The following ACCSL variants were observed in gnomAD, a reference collection of about 807,000 sequenced individuals.
The protein encoded by ACCSL is probable inactive 1-aminocyclopropane-1-carboxylate synthase-like protein 2.
In ACCSL, 55 loss-of-function variants were observed where a neutral mutation model predicts 61.7. The observed-to-expected ratio is 0.89, with a 90% CI of 0.72 to 1.12. The LOEUF (loss-of-function observed/expected upper bound fraction) is 1.12. ACCSL is among the 50% of genes most tolerant of loss of function. The pLI is 0.00. For synonymous variants in ACCSL, 258 were observed against 264.3 expected (o/e 0.98, Z 0.23); for missense variants, 632 against 698.0 (o/e 0.91, Z 1.07).
At chr11:44,054,830 G>T (rs536713806) in intron 8 of ACCSL, among the ~76,000 whole-genome samples, 1 of 152,276 alleles carries the variant, frequency 6.6e-6, no homozygotes, top group African/African-American at 2.4e-5. Flanking sequence ...CACATAAGCA[G>T]TTAGGAGCTC....
At chr11:44,059,474 G>T (rs548024540) in intron 13 of ACCSL, among the ~76,000 whole-genome samples, 1 of 152,288 alleles carries the variant, frequency 6.6e-6, no homozygotes, top group African/African-American at 2.4e-5. Flanking sequence ...ATATAGCAGT[G>T]AATTGTTCAT....
chr11:44,007,969 G>A, the ACCSL span, among the ~76,000 whole-genome samples: 1 of 152,114 alleles, frequency 6.6e-6, no homozygotes, highest in Admixed American at 6.5e-5. Flanking sequence ...AGGCACTGGA[G>A]TGCAGGAAGA....
the ACCSL span, among the ~76,000 whole-genome samples, chr11:43,952,412 TA>T: frequency 6.6e-6 from 1 of 152,164 alleles, no homozygotes; most frequent in Non-Finnish European, 1.5e-5. Flanking sequence ...AAGAAAGAAG[TA>T]AAAACTAAAA....
chr11:44,009,367 T>C, the ACCSL span, among the ~76,000 whole-genome samples: 16 of 152,218 alleles, frequency 1.1e-4, no homozygotes, highest in Admixed American at 4.6e-4. Context: ...GGTCAGTTCC[T>C]TGGGCCTAGC....
At chr11:44,005,408 G>A in the ACCSL span, among the ~76,000 whole-genome samples, 3 of 152,078 alleles carry the variant, frequency 2.0e-5, no homozygotes, top group Non-Finnish European at 4.4e-5. Context: ...AGGGTTCTGA[G>A]GACAAAGGGG....
At chr11:43,980,071 T>C in the ACCSL span, among the ~76,000 whole-genome samples, 2 of 152,218 alleles carry the variant, frequency 1.3e-5, no homozygotes, top group African/African-American at 4.8e-5. Context: ...GTTTATAGAA[T>C]TGTGCAACTT....
At chr11:44,006,364 A>G in the ACCSL span, among the ~76,000 whole-genome samples, 1 of 152,134 alleles carries the variant, frequency 6.6e-6, no homozygotes, top group African/African-American at 2.4e-5. Context: ...TGCTAGCTGG[A>G]TGCAGCTCAT....
chr11:43,924,322 C>T, the ACCSL span, among the ~76,000 whole-genome samples: 1 of 152,240 alleles, frequency 6.6e-6, no homozygotes, highest in South Asian at 2.1e-4. Context: ...TGTGGGACCT[C>T]CCGTCCCCCA....
At chr11:43,940,425 G>A in the ACCSL span, among the ~76,000 whole-genome samples, 9 of 150,380 alleles carry the variant, frequency 6.0e-5, no homozygotes, top group East Asian at 9.8e-4. Context: ...GCGCAATCTC[G>A]GCTCACTGCA....
the ACCSL span, among the ~76,000 whole-genome samples, chr11:43,955,645 C>T: frequency 3.3e-5 from 5 of 152,104 alleles, no homozygotes; most frequent in South Asian, 2.1e-4. Context: ...GAAGGTGAGT[C>T]GGGTGGAGCT....
the ACCSL span, among the ~76,000 whole-genome samples, chr11:43,995,797 TG>T: frequency 6.6e-6 from 1 of 152,188 alleles, no homozygotes; most frequent in East Asian, 1.9e-4. Context: ...CAGGGCCAAA[TG>T]GCTGTGGGAA....
the ACCSL span, among the ~76,000 whole-genome samples, chr11:44,029,999 AT>A: frequency 1.4e-5 from 1 of 71,388 alleles, no homozygotes; most frequent in East Asian, 3.7e-4. Context: ...ATTTTATTTT[AT>A]TTTATTTTAT....
the ACCSL span, among the ~76,000 whole-genome samples, chr11:43,986,132 A>G: frequency 6.6e-6 from 1 of 151,726 alleles, no homozygotes; most frequent in Non-Finnish European, 1.5e-5. Flanking sequence ...CCCTTCTCTC[A>G]CAGCCATCAA....
chr11:43,942,299 C>G, the ACCSL span: 1 of 168,016 alleles, frequency 6.0e-6, no homozygotes, highest in African/African-American at 2.4e-5. Context: ...GCCCCGCGGC[C>G]AACCCGGTTG....
chr11:43,998,569 A>T, the ACCSL span, among the ~76,000 whole-genome samples: 152 of 152,254 alleles, frequency 1.0e-3, no homozygotes, highest in Non-Finnish European at 1.4e-3. Flanking sequence ...CACCAACCAG[A>T]TCCCTGGCAT....
chr11:43,996,004 G>A, the ACCSL span, among the ~76,000 whole-genome samples: 1 of 152,170 alleles, frequency 6.6e-6, no homozygotes, highest in Non-Finnish European at 1.5e-5. Context: ...TATAAAAAGG[G>A]GGTAATTTGG....
chr11:43,979,846 C>CAAAAAAAAAAAAAAAA, the ACCSL span, among the ~76,000 whole-genome samples: 1 of 50,816 alleles, frequency 2.0e-5, no homozygotes, highest in Non-Finnish European at 4.4e-5. Flanking sequence ...GACTCTGTCT[C>CAAAAAAAAAAAAAAAA]AAAAAAAAAA....
At chr11:43,938,905 C>T in the ACCSL span, among the ~76,000 whole-genome samples, 3 of 152,132 alleles carry the variant, frequency 2.0e-5, no homozygotes, top group African/African-American at 4.8e-5. Context: ...GCCACAGGGG[C>T]GATTTCTTTG....
At chr11:44,055,806 AG>A (rs112071763) in intron 9 of ACCSL, among the ~76,000 whole-genome samples, 27 of 152,240 alleles carry the variant, frequency 1.8e-4, no homozygotes, top group African/African-American at 6.3e-4. Flanking sequence ...GCCACATGTC[AG>A]GCTGAAGGCC....
Sources: allele counts gnomAD v4.1 joint callset (sites outside exome capture counted in the v4.1 genomes callset), GRCh38; gene constraint gnomAD v4.1.1; transcripts MANE v1.5; gene names NCBI Gene and HGNC (gene_info 2026-07-23, HGNC 2026-07-21).